The following VAT1L variants were observed in gnomAD, a reference collection of about 807,000 sequenced individuals.
The protein encoded by VAT1L is putative NADPH-dependent quinone oxidoreductase VAT1L.
Under a neutral mutation model 44.1 loss-of-function variants are expected in VAT1L, and 34 were observed. The observed-to-expected ratio is 0.77, with a 90% CI of 0.59 to 1.03. The LOEUF (loss-of-function observed/expected upper bound fraction) is 1.03. Among genes scored for constraint, VAT1L ranks in the 50% least tolerant of loss-of-function variants. The pLI is 0.00. For synonymous variants in VAT1L, 253 were observed against 202.2 expected, an observed-to-expected ratio of 1.25 and a Z score of -2.13; for missense variants, 615 against 538.8, an observed-to-expected ratio of 1.14 and a Z score of -1.40.
rs185240637 is a variant in VAT1L at position 77,964,626 on chromosome 16, T to A, written c.1078-7224T>A. Among the ~76,000 whole-genome samples, 485 of 152,228 alleles carry A rather than the reference T, an allele frequency of 3.2e-3. 1 individual carries two copies. The highest frequency in any genetic ancestry group is 0.011 in the African/African-American group (456 of 41,512). On this transcript the variant is annotated intron_variant, in intron 7 of 8. Coordinates refer to ENST00000302536, the MANE Select transcript of VAT1L (RefSeq NM_020927.3). ...TTTGCCATGTCAGGTAACAAACATATCCTCAGGTTCTGGAGATTAGGGAAT... is the reference window on the plus strand; with the variant it reads ...TTTGCCATGTCAGGTAACAAACATAACCTCAGGTTCTGGAGATTAGGGAAT...
chr16:77,793,487 G>A (rs966330312), intron 1 of VAT1L, among the ~76,000 whole-genome samples: 5 of 152,196 alleles, frequency 3.3e-5, no homozygotes, highest in African/African-American at 7.2e-5. Flanking sequence ...TGCCTTTGCT[G>A]CTATCAGTCT....
chr16:77,829,233 C>G (rs749665700), intron 3 of VAT1L, among the ~76,000 whole-genome samples: 1 of 152,126 alleles, frequency 6.6e-6, no homozygotes, highest in African/African-American at 2.4e-5. Flanking sequence ...TTTTCAAGAT[C>G]CAAAAGACGG....
chr16:77,918,351 TCTC>T (rs1180452335), intron 7 of VAT1L, among the ~76,000 whole-genome samples: 9 of 152,158 alleles, frequency 5.9e-5, no homozygotes, highest in Non-Finnish European at 1.2e-4. Context: ...GGTAGAAAGT[TCTC>T]CTCAGCAGGC....
intron 1 of VAT1L, among the ~76,000 whole-genome samples, chr16:77,792,656 T>A (rs938146935): frequency 6.6e-6 from 1 of 152,100 alleles, no homozygotes; most frequent in Non-Finnish European, 1.5e-5. Context: ...GGGAAAGGGA[T>A]GACTCTGAGG....
At chr16:77,852,984 C>T (rs1056193494) in intron 3 of VAT1L, among the ~76,000 whole-genome samples, 1 of 152,210 alleles carries the variant, frequency 6.6e-6, no homozygotes, top group Non-Finnish European at 1.5e-5. Context: ...GCCAGGTACA[C>T]AGTAAACTCT....
intron 7 of VAT1L, among the ~76,000 whole-genome samples, chr16:77,910,315 G>T (rs1214550105): frequency 6.6e-6 from 1 of 152,138 alleles, no homozygotes; most frequent in Non-Finnish European, 1.5e-5. Flanking sequence ...AGCCTCTCAG[G>T]ATATGTTTCA....
At chr16:77,805,284 C>A (rs971615832) in intron 1 of VAT1L, among the ~76,000 whole-genome samples, 21 of 152,162 alleles carry the variant, frequency 1.4e-4, no homozygotes, top group Non-Finnish European at 2.8e-4. Flanking sequence ...TCTGTTCCCA[C>A]AGTCTTGAGA....
chr16:77,874,772 A>G (rs1010921186), intron 4 of VAT1L, among the ~76,000 whole-genome samples: 2 of 151,308 alleles, frequency 1.3e-5, no homozygotes, highest in Admixed American at 1.3e-4. Flanking sequence ...GGAGAAAGCA[A>G]TATACTACAT....
intron 8 of VAT1L, among the ~76,000 whole-genome samples, chr16:77,973,276 G>A (rs1367735873): frequency 6.6e-6 from 1 of 152,114 alleles, no homozygotes; most frequent in East Asian, 1.9e-4. Flanking sequence ...TGTCTGATAT[G>A]TACTAAGTTC....
In VAT1L at chr16:77,879,560, A is replaced by C. The variant is rs1000278205; in HGVS notation, c.882+336A>C. 6.6e-6 allele frequency among the ~76,000 whole-genome samples: 1 copy of C among 152,240 alleles called. No homozygotes were observed. Among genetic ancestry groups the C allele is most frequent in the African/African-American group, 2.4e-5 (1 of 41,470 alleles). On this transcript the variant is annotated intron_variant, in intron 6 of 8. Coordinates refer to ENST00000302536, the MANE Select transcript of VAT1L (RefSeq NM_020927.3). This position sits in a 1 kb window ranked among gnomAD's most constrained non-coding sequence, Gnocchi z 4.1. Reference sequence around the variant, plus strand: ...CTCAGCCTCCCAAAGTGCTGGGATTACAGGCGTGAGCCACCGCACCCAGCT... The same window carrying C: ...CTCAGCCTCCCAAAGTGCTGGGATTCCAGGCGTGAGCCACCGCACCCAGCT...
At chr16:77,944,892 C>T (rs1396634496) in intron 7 of VAT1L, among the ~76,000 whole-genome samples, 1 of 152,056 alleles carries the variant, frequency 6.6e-6, no homozygotes, top group Non-Finnish European at 1.5e-5. Context: ...CTTCATGGGG[C>T]AGGTTTCTCC....
intron 7 of VAT1L, among the ~76,000 whole-genome samples, chr16:77,909,904 C>A (rs936960509): frequency 6.6e-6 from 1 of 152,196 alleles, no homozygotes; most frequent in Non-Finnish European, 1.5e-5. Flanking sequence ...GCCCTCCCTT[C>A]TTGCCTCGTA....
At chr16:77,972,529 C>T (rs1367311214) in intron 8 of VAT1L, among the ~76,000 whole-genome samples, 1 of 152,090 alleles carries the variant, frequency 6.6e-6, no homozygotes, top group East Asian at 1.9e-4. Flanking sequence ...GCCTGTAATC[C>T]CAGCACTTGG....
At chr16:77,967,272 G>A (rs2018233397) in intron 7 of VAT1L, among the ~76,000 whole-genome samples, 2 of 152,104 alleles carry the variant, frequency 1.3e-5, no homozygotes, top group African/African-American at 4.8e-5. Flanking sequence ...GTGAAACTGT[G>A]GTGCTTAACT....
At chr16:77,864,581 G>T (rs2016952158) in intron 4 of VAT1L, among the ~76,000 whole-genome samples, 1 of 152,180 alleles carries the variant, frequency 6.6e-6, no homozygotes, top group Non-Finnish European at 1.5e-5. Flanking sequence ...ACTCCAGCAT[G>T]GGTGACAGAC....
At chr16:77,975,402 G>C (rs1489311988) in intron 8 of VAT1L, among the ~76,000 whole-genome samples, 1 of 151,710 alleles carries the variant, frequency 6.6e-6, no homozygotes, top group Non-Finnish European at 1.5e-5. Flanking sequence ...AGTAGAGATG[G>C]GGTTTCACCA....
chr16:77,849,511 G>A (rs927670254), intron 3 of VAT1L, among the ~76,000 whole-genome samples: 1 of 152,058 alleles, frequency 6.6e-6, no homozygotes, highest in Non-Finnish European at 1.5e-5. Flanking sequence ...GGGATGGCTT[G>A]GTAAACAATA....
chr16:77,920,977 CACAT>C (rs949890143), intron 7 of VAT1L, among the ~76,000 whole-genome samples: 2 of 150,390 alleles, frequency 1.3e-5, no homozygotes, highest in Admixed American at 1.3e-4. Context: ...TACACACACA[CACAT>C]ACATACATAC....
At position 77,789,388 on chromosome 16, in the gene VAT1L, G is replaced by A. The variant is rs568852764; in HGVS notation, c.233+473G>A. 1.2e-3 allele frequency among the ~76,000 whole-genome samples: 186 copies of A among 152,324 alleles called. No individual in the cohort carries two copies. The Middle Eastern group carries it at 0.02, about 17-fold the overall frequency. ...CAGGTGCCATCATGATCCGTTTACA[G>A]GTAAGAAAGCCGCCGCTCAGCGAGA... On this transcript the variant is annotated intron_variant, in intron 1 of 8. Coordinates refer to ENST00000302536, the MANE Select transcript of VAT1L (RefSeq NM_020927.3).
Sources: allele counts gnomAD v4.1 joint callset (sites outside exome capture counted in the v4.1 genomes callset), GRCh38; gene constraint gnomAD v4.1.1; non-coding constraint Gnocchi (gnomAD v3.1); transcripts MANE v1.5; gene names NCBI Gene and HGNC (gene_info 2026-07-23, HGNC 2026-07-21).